LGSN: variants seen among roughly 807,000 people sequenced by gnomAD.
LGSN encodes lengsin.
LGSN carries 21 observed loss-of-function variants against 19.5 expected under a neutral mutation model. That is an observed-to-expected ratio of 1.07 (90% confidence interval 0.76 to 1.55). The LOEUF is 1.55. Ranked by LOEUF, LGSN falls within the 40% of genes most tolerant of loss-of-function variation. LGSN has a pLI of 0.00. For synonymous variants in LGSN, 257 were observed against 215.6 expected (o/e 1.19, Z -1.68); for missense variants, 673 against 608.5 (o/e 1.11, Z -1.12).
the LGSN span, among the ~76,000 whole-genome samples, chr6:63,568,876 G>A: frequency 6.6e-6 from 1 of 152,104 alleles, no homozygotes; most frequent in African/African-American, 2.4e-5. Context: ...CTTACCCTCT[G>A]CACTAGTATC....
At chr6:63,341,419 C>T in the LGSN span, among the ~76,000 whole-genome samples, 2 of 152,294 alleles carry the variant, frequency 1.3e-5, no homozygotes, top group South Asian at 4.2e-4. Flanking sequence ...GTGAGTGGAT[C>T]GGTCTTCAGG....
At chr6:63,309,239 C>T (rs1038576093) in intron 1 of LGSN, among the ~76,000 whole-genome samples, 13 of 152,266 alleles carry the variant, frequency 8.5e-5, no homozygotes, top group Admixed American at 6.5e-4. Flanking sequence ...TGAGACCAGC[C>T]TGGCCAACAT....
the LGSN span, among the ~76,000 whole-genome samples, chr6:63,362,400 C>T: frequency 3.3e-5 from 5 of 152,100 alleles, no homozygotes; most frequent in African/African-American, 1.2e-4. Context: ...GGCGGGGCAT[C>T]GCCTCACTCC....
At chr6:63,344,404 A>G in the LGSN span, among the ~76,000 whole-genome samples, 3 of 152,218 alleles carry the variant, frequency 2.0e-5, no homozygotes, top group South Asian at 6.2e-4. Context: ...TTCTGAAGAC[A>G]CAGTATTGTC....
the LGSN span, among the ~76,000 whole-genome samples, chr6:63,348,466 A>T: frequency 1.7e-4 from 26 of 152,226 alleles, no homozygotes; most frequent in African/African-American, 5.5e-4. Context: ...AAGAAAAAAA[A>T]AAATATATGG....
At chr6:63,365,912 T>A in the LGSN span, among the ~76,000 whole-genome samples, 1 of 152,312 alleles carries the variant, frequency 6.6e-6, no homozygotes, top group African/African-American at 2.4e-5. Context: ...AAACTCTCAA[T>A]AAACTAAGTA....
chr6:63,429,728 T>C, the LGSN span, among the ~76,000 whole-genome samples: 5 of 112,528 alleles, frequency 4.4e-5, no homozygotes, highest in African/African-American at 1.8e-4. Flanking sequence ...AGAGCAAGAC[T>C]CCATCTCAAA....
the LGSN span, among the ~76,000 whole-genome samples, chr6:63,456,621 C>CCTCAT: frequency 1.3e-5 from 2 of 151,758 alleles, no homozygotes; most frequent in East Asian, 3.9e-4. Context: ...TGGAATATAC[C>CCTCAT]ACACTGCCCC....
the LGSN span, among the ~76,000 whole-genome samples, chr6:63,560,375 T>A: frequency 1.4e-5 from 2 of 145,114 alleles, no homozygotes; most frequent in South Asian, 2.1e-4. Context: ...AGAAAAGAAG[T>A]GAAAAGTAAA....
At chr6:63,512,782 A>G in the LGSN span, among the ~76,000 whole-genome samples, 3 of 152,224 alleles carry the variant, frequency 2.0e-5, no homozygotes, top group Non-Finnish European at 2.9e-5. Flanking sequence ...CAAACTAAAA[A>G]TTCAGTGTAA....
the LGSN span, among the ~76,000 whole-genome samples, chr6:63,373,474 A>G: frequency 6.6e-6 from 1 of 152,212 alleles, no homozygotes; most frequent in Non-Finnish European, 1.5e-5. Context: ...CAGAAAGTAT[A>G]ACCTGAATCT....
At chr6:63,564,824 T>C in the LGSN span, among the ~76,000 whole-genome samples, 1 of 152,234 alleles carries the variant, frequency 6.6e-6, no homozygotes, top group South Asian at 2.1e-4. Context: ...CAACAGAAAT[T>C]TCACCAAATT....
chr6:63,450,588 C>A, the LGSN span, among the ~76,000 whole-genome samples: 1 of 149,760 alleles, frequency 6.7e-6, no homozygotes. Context: ...TTTTAAAAAA[C>A]GTTAGTAAAC....
chr6:63,421,539 C>T, the LGSN span, among the ~76,000 whole-genome samples: 1 of 152,074 alleles, frequency 6.6e-6, no homozygotes, highest in East Asian at 1.9e-4. Context: ...GCCATCCTGA[C>T]CAACATGGTG....
chr6:63,325,309 A>G, the LGSN span, among the ~76,000 whole-genome samples: 22 of 152,262 alleles, frequency 1.4e-4, no homozygotes, highest in East Asian at 3.7e-3. Context: ...AACCAAACAC[A>G]TTGGTTCTTT....
chr6:63,465,970 T>G, the LGSN span, among the ~76,000 whole-genome samples: 1 of 152,216 alleles, frequency 6.6e-6, no homozygotes, highest in Non-Finnish European at 1.5e-5. Flanking sequence ...TTATCGGGAT[T>G]GCCTTGTTTG....
At chr6:63,546,261 T>C in the LGSN span, among the ~76,000 whole-genome samples, 1 of 152,120 alleles carries the variant, frequency 6.6e-6, no homozygotes, top group South Asian at 2.1e-4. Flanking sequence ...GGAGGACATT[T>C]TGCTAAGTGA....
the LGSN span, among the ~76,000 whole-genome samples, chr6:63,530,993 A>G: frequency 6.6e-6 from 1 of 152,218 alleles, no homozygotes; most frequent in South Asian, 2.1e-4. Context: ...TAGCTTTATA[A>G]TTTCAACTAT....
At chr6:63,560,458 G>A in the LGSN span, among the ~76,000 whole-genome samples, 1 of 149,796 alleles carries the variant, frequency 6.7e-6, no homozygotes, top group Admixed American at 6.7e-5. Flanking sequence ...CTGGAAGGCA[G>A]TGCACATGAT....
Sources: allele counts gnomAD v4.1 joint callset (sites outside exome capture counted in the v4.1 genomes callset), GRCh38; gene constraint gnomAD v4.1.1; transcripts MANE v1.5; gene names NCBI Gene and HGNC (gene_info 2026-07-23, HGNC 2026-07-21).